Variants in JADE3 observed in about 807,000 individuals in gnomAD.
JADE3 encodes jade family PHD finger 3.
In JADE3, 2 loss-of-function variants were observed where a neutral mutation model predicts 50.1. The ratio of observed to expected loss-of-function variants is 0.04; its 90% CI spans 0.02 to 0.13. The LOEUF is 0.13. Among genes scored for constraint, JADE3 ranks in the 10% least tolerant of loss-of-function variants. The pLI is 1.00. For missense variants in JADE3, 475 were observed against 634.4 expected (o/e 0.75, Z 2.70); for synonymous variants, 218 against 232.9 (o/e 0.94, Z 0.58).
chrX:46,951,416 G>A (rs1308793747), intron 1 of JADE3, among the ~76,000 whole-genome samples: 1 of 104,483 alleles, frequency 9.6e-6, no homozygotes, highest in Admixed American at 1.0e-4. Context: ...GTGAAACCCC[G>A]TCTCTACTAA....
At chrX:46,940,031 A>G (rs782297611) in intron 1 of JADE3, among the ~76,000 whole-genome samples, 257 of 112,655 alleles carry the variant, frequency 2.3e-3, no homozygotes, top group African/African-American at 7.6e-3. Flanking sequence ...ATTAGGACAC[A>G]GACCAAATAG....
intron 4 of JADE3, among the ~76,000 whole-genome samples, chrX:47,001,626 A>G (rs1422945035): frequency 2.7e-5 from 3 of 111,724 alleles, no homozygotes; most frequent in Non-Finnish European, 3.8e-5. Flanking sequence ...GGGTCAAACT[A>G]TGTCTTGTGA....
At chrX:47,013,530 T>C (rs1928608143) in intron 4 of JADE3, among the ~76,000 whole-genome samples, 1 of 112,268 alleles carries the variant, frequency 8.9e-6, no homozygotes, top group Non-Finnish European at 1.9e-5. Flanking sequence ...AAGACACTTT[T>C]GTAAGCAATG....
At chrX:47,014,322 G>T (rs1556362393) in intron 4 of JADE3, among the ~76,000 whole-genome samples, 1 of 111,995 alleles carries the variant, frequency 8.9e-6, no homozygotes, top group Non-Finnish European at 1.9e-5. Context: ...TTTAATTAGG[G>T]CATGAACAAG....
At chrX:46,941,423 TA>T (rs1370656579) in intron 1 of JADE3, among the ~76,000 whole-genome samples, 1 of 111,648 alleles carries the variant, frequency 9.0e-6, no homozygotes, top group Non-Finnish European at 1.9e-5. Context: ...ATATACCTAG[TA>T]GTGGAATTGC....
chrX:46,958,780 C>T, intron 1 of JADE3, among the ~76,000 whole-genome samples: 1 of 111,858 alleles, frequency 8.9e-6, no homozygotes, highest in Non-Finnish European at 1.9e-5. Flanking sequence ...ATATCTACCC[C>T]CATTGAAAAT....
intron 1 of JADE3, among the ~76,000 whole-genome samples, chrX:46,952,481 A>G (rs1927025996): frequency 8.9e-6 from 1 of 112,509 alleles, no homozygotes. Flanking sequence ...TATGCTAATT[A>G]GAATCAGATC....
At chrX:46,996,643 A>C (rs1322912597) in intron 3 of JADE3, among the ~76,000 whole-genome samples, 1 of 111,590 alleles carries the variant, frequency 9.0e-6, no homozygotes, top group Non-Finnish European at 1.9e-5. Context: ...TGGATCAATG[A>C]ATCACTCTAA....
At chrX:47,014,806 AAC>A (rs1928637463) in intron 4 of JADE3, among the ~76,000 whole-genome samples, 3 of 112,138 alleles carry the variant, frequency 2.7e-5, no homozygotes, top group South Asian at 3.6e-4. Context: ...GTGTATTTTA[AAC>A]AGTTTTTGAA....
chrX:47,042,742 A>G (rs1556369973), intron 8 of JADE3, among the ~76,000 whole-genome samples: 1 of 111,555 alleles, frequency 9.0e-6, no homozygotes, highest in Non-Finnish European at 1.9e-5. Flanking sequence ...GGTCCCAGAT[A>G]GTATCTCTGG....
At chrX:46,983,815 T>C (rs1390502628) in intron 1 of JADE3, among the ~76,000 whole-genome samples, 1 of 111,961 alleles carries the variant, frequency 8.9e-6, no homozygotes, top group Admixed American at 9.5e-5. Context: ...TTGAAATAAC[T>C]TTCACCAATT....
At chrX:47,017,596 C>CA (rs1432664994) in intron 4 of JADE3, among the ~76,000 whole-genome samples, 1 of 111,282 alleles carries the variant, frequency 9.0e-6, no homozygotes, top group Non-Finnish European at 1.9e-5. Flanking sequence ...AATCAGAATA[C>CA]AAAAAAATTA....
chrX:47,015,702 C>T (rs989217441), intron 4 of JADE3, among the ~76,000 whole-genome samples: 7 of 107,793 alleles, frequency 6.5e-5, no homozygotes, highest in Non-Finnish European at 1.1e-4. Flanking sequence ...TAGCAAACAT[C>T]CTCAAAAGTC....
At chrX:47,012,628 T>TG (rs1415459554) in intron 4 of JADE3, among the ~76,000 whole-genome samples, 1 of 110,931 alleles carries the variant, frequency 9.0e-6, no homozygotes, top group African/African-American at 3.3e-5. Flanking sequence ...ATCTGTTTTT[T>TG]TTTTTGTTGT....
At chrX:47,032,869 C>T (rs1556367052) in intron 6 of JADE3, among the ~76,000 whole-genome samples, 1 of 111,300 alleles carries the variant, frequency 9.0e-6, no homozygotes, top group Non-Finnish European at 1.9e-5. Context: ...CATATTGAAT[C>T]AGTTAGTCTC....
chrX:46,921,197 G>A (rs897636653), intron 1 of JADE3, among the ~76,000 whole-genome samples: 2 of 111,865 alleles, frequency 1.8e-5, no homozygotes, highest in Admixed American at 1.9e-4. Flanking sequence ...CTGCCTCAGC[G>A]TCTTGAGTAG....
At chrX:47,020,476 A>G (rs959676718) in intron 4 of JADE3, among the ~76,000 whole-genome samples, 5 of 111,927 alleles carry the variant, frequency 4.5e-5, no homozygotes, top group African/African-American at 1.6e-4. Context: ...AAAAATCCCA[A>G]ACATATTTTT....
intron 4 of JADE3, among the ~76,000 whole-genome samples, chrX:47,022,793 CTT>C (rs781910677): frequency 6.3e-4 from 70 of 110,938 alleles, no homozygotes; most frequent in African/African-American, 2.3e-3. Flanking sequence ...CCAATAATAA[CTT>C]GTTGGCATGA....
chrX:47,054,764 A>G (rs2146991159), intron 9 of JADE3, 136 bp downstream of exon 9: 1 of 442,864 alleles, frequency 2.3e-6, no homozygotes, highest in Admixed American at 4.1e-5. Context: ...TGATCTCTTT[A>G]TGGCCCCAGA....
Sources: allele counts gnomAD v4.1 joint callset (sites outside exome capture counted in the v4.1 genomes callset), GRCh38; gene constraint gnomAD v4.1.1; transcripts MANE v1.5; gene names NCBI Gene and HGNC (gene_info 2026-07-23, HGNC 2026-07-21).